TOE1: variants seen among roughly 807,000 people sequenced by gnomAD.
TOE1 encodes the protein target of EGR1 protein 1.
Under a neutral mutation model 49.2 loss-of-function variants are expected in TOE1, and 50 were observed. The observed-to-expected ratio is 1.02, with a 90% CI of 0.81 to 1.29. The LOEUF is 1.29. TOE1 is among the 50% of genes most tolerant of loss of function. The pLI is 0.00. For missense variants in TOE1, 544 were observed against 654.4 expected, an observed-to-expected ratio of 0.83 and a Z score of 1.84; for synonymous variants, 221 against 247.0, an observed-to-expected ratio of 0.89 and a Z score of 0.99.
At position 45,343,608 on chromosome 1, in the gene TOE1, G is replaced by A. The variant is rs1442140372; in HGVS notation, c.1439G>A (p.Gly480Asp). The A allele has an allele frequency of 6.2e-7, 1 of 1,614,072 alleles. No individual in the cohort carries two copies. The highest frequency in any genetic ancestry group is 1.7e-5 in the Admixed American group (1 of 60,026). Residue 480 changes from glycine (G) to aspartate (D), a missense_variant, in exon 8 of 8, where the codon GGC becomes GAC. Physicochemically the swap from Gly to Asp is moderately conservative, Grantham distance 94 (BLOSUM62 -1). Transcript: ENST00000372090. This position sits in a 1 kb window ranked among gnomAD's most constrained non-coding sequence, Gnocchi z 4.3. ...PECHNKVYLS[G>D]KAVPLTVAKS... ...TGCCACAATAAGGTATATTTGAGTG[G>A]CAAAGCTGTACCCCTCACAGTGGCC...
Position 45,343,182 on chromosome 1 carries a change from G to A in TOE1, c.1013G>A (p.Arg338Gln), listed in dbSNP as rs764120526. The A allele has an allele frequency of 2.0e-5, 33 of 1,613,798 alleles. No individual in the cohort carries two copies. Among genetic ancestry groups the A allele is most frequent in the Non-Finnish European group, 2.5e-5 (29 of 1,180,006 alleles). The stretch of plus-strand genomic sequence containing the variant: ...GCTGCGGCAGAGGACAAGCGGCGAC[G>A]GCGACGACGTAGGGAAAAACGGAAG... ...DEAAAEDKRR[R>Q]RRRREKRKRA... is the part of the protein sequence containing the mutation. Residue 338 changes from arginine to glutamine, a missense_variant, in exon 8 of 8, where the codon CGG (arginine) becomes CAG (glutamine). By Grantham distance (43) the Arg-to-Gln change is conservative (BLOSUM62 1). Coordinates refer to ENST00000372090, the MANE Select transcript of TOE1 (RefSeq NM_025077.4). The surrounding 1 kb of genome is among the most constrained non-coding windows in gnomAD (Gnocchi z 4.3).
intron 1 of TOE1, 36 bp from the exon 2 acceptor site, chr1:45,341,037 T>G: frequency 6.2e-7 from 1 of 1,613,492 alleles, no homozygotes; most frequent in South Asian, 1.1e-5. Flanking sequence ...GGCTCTTTCC[T>G]TAAGCATGAA....
chr1:45,342,701 T>G, intron 6 of TOE1, 58 bp downstream of exon 6: 1 of 1,603,074 alleles, frequency 6.2e-7, no homozygotes, highest in Non-Finnish European at 8.5e-7. Context: ...TTCATTCACT[T>G]AAGATATTTA....
chr1:45,342,730 C>T (rs757508764), intron 6 of TOE1, 87 bp downstream of exon 6: 4 of 1,598,738 alleles, frequency 2.5e-6, no homozygotes, highest in Non-Finnish European at 3.4e-6. Context: ...CTACCATGTG[C>T]CCAGGCAGTG....
At chr1:45,340,646 C>A in intron 1 of TOE1, 1 of 1,229,242 alleles carries the variant, frequency 8.1e-7, no homozygotes, top group Non-Finnish European at 1.1e-6. Flanking sequence ...CACTGCCAGG[C>A]TCTGGGGCTT....
intron 5 of TOE1, 105 bp from the exon 6 acceptor site, chr1:45,342,279 G>T: frequency 6.5e-7 from 1 of 1,538,278 alleles, no homozygotes; most frequent in Non-Finnish European, 8.8e-7. Context: ...ATTGGGTAAG[G>T]TAGAGAGAGA....
chr1:45,341,949 G>C lies in TOE1; in HGVS notation c.334G>C (p.Gly112Arg). 1.9e-6 allele frequency: 3 copies of C among 1,613,548 alleles called. No individual in the cohort carries two copies. The highest frequency in any genetic ancestry group is 2.5e-6 in the Non-Finnish European group (3 of 1,179,626). The change falls in exon 5 of 8, where the codon GGT becomes CGT. Residue 112 changes from glycine to arginine, a missense_variant and splice_region_variant. By Grantham distance (125) the Gly-to-Arg change is moderately radical. Transcript: ENST00000372090. Reference sequence around the variant, plus strand: ...TATAGCAGACTTCTCTTTCTCCCAGGGTGAACATTCCTATCTGGCTCAAGT... The same window carrying C: ...TATAGCAGACTTCTCTTTCTCCCAGCGTGAACATTCCTATCTGGCTCAAGT... ...LACFKRQPDK[G>R]EHSYLAQVFN...
Position 45,340,172 on chromosome 1 carries a change from C to G in TOE1, c.-81C>G. 1 of 1,610,460 alleles carries G rather than the reference C, an allele frequency of 6.2e-7. No homozygotes were observed. The highest frequency in any genetic ancestry group is 8.5e-7 in the Non-Finnish European group (1 of 1,178,778). On this transcript the variant is annotated 5_prime_UTR_variant, in exon 1 of 8. Coordinates refer to ENST00000372090, the MANE Select transcript of TOE1 (RefSeq NM_025077.4). The stretch of plus-strand genomic sequence containing the variant: ...CCGACGGCGAGACCCCGCCCCATCC[C>G]CGACTGCCTGAACCGCGCCAGGAGA...
rs1647097693 is a variant in TOE1 at position 45,343,831 on chromosome 1, G to A, written c.*129G>A. The A allele has an allele frequency of 5.4e-6, 6 of 1,115,538 alleles. No individual in the cohort carries two copies. The highest frequency in any genetic ancestry group is 6.4e-6 in the Non-Finnish European group (5 of 780,214). 69.1% of individuals were successfully genotyped at this position (1,115,538 alleles called of 1,614,324 possible). A position where few individuals can be genotyped will look rare whatever the true frequency, so the allele number is the denominator to read the frequency against. On this transcript the variant is annotated 3_prime_UTR_variant, in exon 8 of 8. Coordinates refer to ENST00000372090, the MANE Select transcript of TOE1 (RefSeq NM_025077.4). This position sits in a 1 kb window ranked among gnomAD's most constrained non-coding sequence, Gnocchi z 4.3. The stretch of plus-strand genomic sequence containing the variant: ...TTGACAGACATCACTGCATTGCCCT[G>A]GACCGCCTCCTTTATCCCAGTGTTT...
rs1478042605 is a variant in TOE1, at chr1:45,340,285, A to G, written c.33A>G (p.Ser11=). The G allele has an allele frequency of 5.0e-6, 8 of 1,613,394 alleles. No individual in the cohort carries two copies. The highest frequency in any genetic ancestry group is 6.8e-6 in the Non-Finnish European group (8 of 1,179,916). The change falls in exon 1 of 8, where the codon TCA becomes TCG. Residue 11 remains serine, a synonymous_variant. Transcript: ENST00000372090. MAADSDDGAV[S]APAASDGGVS... Reference sequence around the variant, plus strand: ...CCGACAGTGACGATGGCGCAGTTTCAGCTCCCGCAGCTTCCGACGGTGAGC... The same window carrying G: ...CCGACAGTGACGATGGCGCAGTTTCGGCTCCCGCAGCTTCCGACGGTGAGC...
In TOE1 at chr1:45,343,705, C is replaced by G; in HGVS notation, c.*3C>G. On this transcript the variant is annotated 3_prime_UTR_variant, in exon 8 of 8. Coordinates refer to ENST00000372090, the MANE Select transcript of TOE1 (RefSeq NM_025077.4). The surrounding 1 kb of genome is among the most constrained non-coding windows in gnomAD (Gnocchi z 4.3). The stretch of plus-strand genomic sequence containing the variant: ...AGCTCACTTGGGGCAGTAGCTGATG[C>G]AACTTCCACCTTGCTCTCAGGTGGA... 6.2e-7 allele frequency: 1 copy of G among 1,602,332 alleles called. No homozygotes were observed. Among genetic ancestry groups the G allele is most frequent in the Non-Finnish European group, 8.5e-7 (1 of 1,170,970 alleles).
chr1:45,342,824 C>T lies in TOE1; in HGVS notation c.753-19C>T, dbSNP rs758515672. On this transcript the variant is annotated intron_variant, in intron 6 of 7. Transcript: ENST00000372090. ...GAGCTTATATGCTAGTGGACCATTA[C>T]CCTCTTGCGCTGTTGCAGTGAACGG... 2.7e-5 allele frequency: 43 copies of T among 1,613,808 alleles called. 1 individual carries two copies. Among genetic ancestry groups the T allele is most frequent in the Non-Finnish European group, 1.9e-5 (22 of 1,179,892 alleles).
At position 45,343,638 on chromosome 1, in the gene TOE1, G is replaced by A. The variant is rs1647092857; in HGVS notation, c.1469G>A (p.Ser490Asn). ...GKAVPLTVAK[S>N]QFSRSSKAHN... ...GCTGTACCCCTCACAGTGGCCAAGAGCCAGTTCTCTCGTTCCTCCAAAGCC... is the reference window on the plus strand; with the variant it reads ...GCTGTACCCCTCACAGTGGCCAAGAACCAGTTCTCTCGTTCCTCCAAAGCC... The change falls in exon 8 of 8, where the codon AGC (serine) becomes AAC (asparagine). Residue 490 changes from serine (S) to asparagine (N), a missense_variant. By Grantham distance (46) the Ser-to-Asn change is conservative (BLOSUM62 1). Transcript: ENST00000372090. This position sits in a 1 kb window ranked among gnomAD's most constrained non-coding sequence, Gnocchi z 4.3. The A allele has an allele frequency of 1.2e-6, 2 of 1,613,758 alleles. No homozygotes were observed. The highest frequency in any genetic ancestry group is 1.7e-6 in the Non-Finnish European group (2 of 1,179,812).
At chr1:45,341,383 C>G (rs1459889116) in intron 3 of TOE1, 40 bp downstream of exon 3, 1 of 1,614,134 alleles carries the variant, frequency 6.2e-7, no homozygotes, top group Non-Finnish European at 8.5e-7. Flanking sequence ...CAGCCCTCAA[C>G]TGTGGAGTGG....
At position 45,343,484 on chromosome 1, in the gene TOE1, C is replaced by G; in HGVS notation, c.1315C>G (p.Arg439Gly). 1 of 1,614,104 alleles carries G rather than the reference C, an allele frequency of 6.2e-7. No homozygotes were observed. The highest frequency in any genetic ancestry group is 8.5e-7 in the Non-Finnish European group (1 of 1,180,028). The change falls in exon 8 of 8, where the codon CGG becomes GGG. Residue 439 changes from arginine to glycine, a missense_variant. Transcript: ENST00000372090. This position sits in a 1 kb window ranked among gnomAD's most constrained non-coding sequence, Gnocchi z 4.3. ...PNPVPGDGLH[R>G]AGFDAFMTGY... Reference sequence around the variant, plus strand: ...CCCAGTGCCTGGGGATGGATTGCACCGGGCTGGTTTTGATGCCTTTATGAC... The same window carrying G: ...CCCAGTGCCTGGGGATGGATTGCACGGGGCTGGTTTTGATGCCTTTATGAC...
In TOE1 at chr1:45,343,239, C is replaced by T; in HGVS notation, c.1070C>T (p.Thr357Ile). 6.2e-7 allele frequency: 1 copy of T among 1,614,002 alleles called. No homozygotes were observed. The highest frequency in any genetic ancestry group is 8.5e-7 in the Non-Finnish European group (1 of 1,179,994). ...RALLNLPGTQ[T>I]SGEAKDGPPK... Reference sequence around the variant, plus strand: ...TTATTGAACCTACCGGGGACACAGACCTCTGGGGAAGCTAAGGATGGTCCT... The same window carrying T: ...TTATTGAACCTACCGGGGACACAGATCTCTGGGGAAGCTAAGGATGGTCCT... The change falls in exon 8 of 8, where the codon ACC (threonine) becomes ATC (isoleucine). Residue 357 changes from threonine to isoleucine, a missense_variant. Coordinates refer to ENST00000372090, the MANE Select transcript of TOE1 (RefSeq NM_025077.4). This position sits in a 1 kb window ranked among gnomAD's most constrained non-coding sequence, Gnocchi z 4.3.
At position 45,341,344 on chromosome 1, in the gene TOE1, G is replaced by GTT; in HGVS notation, c.236+2_236+3insTT. On this transcript the variant is annotated splice_donor_variant, in intron 3 of 7. Coordinates refer to ENST00000372090, the MANE Select transcript of TOE1 (RefSeq NM_025077.4). LOFTEE classifies it high-confidence loss of function. The stretch of plus-strand genomic sequence containing the variant: ...GGGACAGGAAGAGTTTGCTGAACCA[G>GTT]TAAGTATAAGCCCTTTTCTCTTTAG... The GTT allele has an allele frequency of 6.2e-7, 1 of 1,614,164 alleles. No individual in the cohort carries two copies. Among genetic ancestry groups the GTT allele is most frequent in the Non-Finnish European group, 8.5e-7 (1 of 1,180,020 alleles).
rs150092925 is a variant in TOE1, at chr1:45,343,266, C to T, written c.1097C>T (p.Pro366Leu). Residue 366 changes from proline (P) to leucine (L), a missense_variant, in exon 8 of 8, where the codon CCC becomes CTC. Transcript: ENST00000372090. The surrounding 1 kb of genome is among the most constrained non-coding windows in gnomAD (Gnocchi z 4.3). ...QTSGEAKDGP[P>L]KKQVCGDSIK... ...TCTGGGGAAGCTAAGGATGGTCCTC[C>T]CAAGAAGCAGGTCTGTGGGGATAGC... is the stretch of plus-strand genomic sequence containing the variant. 3.3e-4 allele frequency: 528 copies of T among 1,614,046 alleles called. 1 individual carries two copies. The highest frequency in any genetic ancestry group is 4.1e-4 in the Non-Finnish European group (479 of 1,180,006).
At chr1:45,340,630 G>A (rs1403589808) in intron 1 of TOE1, 13 of 1,289,198 alleles carry the variant, frequency 1.0e-5, no homozygotes, top group Non-Finnish European at 1.3e-5. Context: ...GAGCTCTGGT[G>A]TGGGGCACTG....
Sources: allele counts gnomAD v4.1 joint callset, GRCh38; gene constraint gnomAD v4.1.1; non-coding constraint Gnocchi (gnomAD v3.1); transcripts MANE v1.5; gene names NCBI Gene and HGNC (gene_info 2026-07-23, HGNC 2026-07-21).